Variants in EDA2R observed in about 807,000 individuals in gnomAD.
EDA2R encodes ectodysplasin A2 receptor.
In EDA2R, 26 loss-of-function variants were observed where a neutral mutation model predicts 20.1. The observed-to-expected ratio is 1.30, with a 90% CI of 0.95 to 1.80. The LOEUF (loss-of-function observed/expected upper bound fraction) is 1.80. Ranked by LOEUF, EDA2R falls within the 40% of genes most tolerant of loss-of-function variation. EDA2R has a pLI of 0.00. For missense variants in EDA2R, 277 were observed against 228.7 expected (o/e 1.21, Z -1.36); for synonymous variants, 114 against 88.7 (o/e 1.29, Z -1.60).
intron 1 of EDA2R, among the ~76,000 whole-genome samples, chrX:66,629,137 G>A (rs1488828810): frequency 9.0e-6 from 1 of 111,623 alleles, no homozygotes; most frequent in African/African-American, 3.3e-5. Flanking sequence ...ACAAAGTCTA[G>A]CATCCCTTTA....
At position 66,595,823 on chromosome X, in the gene EDA2R, GC is replaced by G. The variant is rs1467712699; in HGVS notation, c.*2280del. The G allele has an allele frequency of 9.0e-6, 1 of 111,001 alleles. No individual in the cohort carries two copies. The highest frequency in any genetic ancestry group is 3.3e-5 in the African/African-American group (1 of 30,449). 9.1% of individuals were successfully genotyped at this position (111,001 alleles called of 1,213,427 possible). On this transcript the variant is annotated 3_prime_UTR_variant, in exon 7 of 7. Transcript: ENST00000374719. The stretch of plus-strand genomic sequence containing the variant: ...TTCAATGTAAAACACTGAAGACCTA[GC>G]TAGTAGGGTGGGGTTGGTAGAGAGG...
In EDA2R at chrX:66,602,673, G is replaced by T. The variant is rs776421145; in HGVS notation, c.477C>A (p.Phe159Leu). ...TGTTGAAGAACTGCTTGCAGTAGAG[G>T]AAGAAGAGCCCCAGGAAGGCCAGGG... The part of the protein sequence containing the change: ...VFTLAFLGLF[F>L]LYCKQFFNRH... Residue 159 changes from phenylalanine (F) to leucine (L), a missense_variant, in exon 5 of 7, where the codon TTC (phenylalanine) becomes TTA (leucine). Transcript: ENST00000374719. 8.3e-7 allele frequency: 1 copy of T among 1,201,975 alleles called. No individual in the cohort carries two copies. Among genetic ancestry groups the T allele is most frequent in the Non-Finnish European group, 1.1e-6 (1 of 890,382 alleles).
At chrX:66,623,260 A>G (rs771838616) in intron 1 of EDA2R, among the ~76,000 whole-genome samples, 1 of 112,444 alleles carries the variant, frequency 8.9e-6, no homozygotes, top group East Asian at 2.8e-4. Context: ...AGTCAGAAAA[A>G]AAGGTTTTTC....
intron 1 of EDA2R, among the ~76,000 whole-genome samples, chrX:66,630,591 G>T: frequency 9.0e-6 from 1 of 111,214 alleles, no homozygotes. Context: ...ATGAAAAAAT[G>T]CTCAACATCT....
chrX:66,615,064 A>T (rs987069587), intron 2 of EDA2R, among the ~76,000 whole-genome samples: 8 of 111,580 alleles, frequency 7.2e-5, no homozygotes, highest in Middle Eastern at 4.6e-3. Context: ...AGTCACCCTA[A>T]TTTGATTCTT....
At chrX:66,608,888 G>T (rs752776273) in intron 2 of EDA2R, among the ~76,000 whole-genome samples, 16 of 111,777 alleles carry the variant, frequency 1.4e-4, no homozygotes, top group Non-Finnish European at 2.4e-4. Context: ...GGCATACAGA[G>T]ACTGTATTTG....
At position 66,599,458 on chromosome X, in the gene EDA2R, C is replaced by T; in HGVS notation, c.*10+16G>A. On this transcript the variant is annotated intron_variant, in intron 6 of 6. Coordinates refer to ENST00000374719, the MANE Select transcript of EDA2R (RefSeq NM_021783.5). ...TTGCTTTTTTTGTTTTTTTCTGATCCACCTTTCCAGCTCACCTCATTAGAG... is the reference window on the plus strand; with the variant it reads ...TTGCTTTTTTTGTTTTTTTCTGATCTACCTTTCCAGCTCACCTCATTAGAG... 9.0e-7 allele frequency: 1 copy of T among 1,108,888 alleles called. No homozygotes were observed. Among genetic ancestry groups the T allele is most frequent in the Non-Finnish European group, 1.2e-6 (1 of 845,003 alleles). 91.4% of individuals were successfully genotyped at this position (1,108,888 alleles called of 1,213,427 possible).
intron 1 of EDA2R, among the ~76,000 whole-genome samples, chrX:66,626,237 T>C (rs1313506692): frequency 1.8e-5 from 2 of 111,282 alleles, no homozygotes; most frequent in African/African-American, 6.5e-5. Flanking sequence ...CAGAGAAAGG[T>C]GAAGCCCAAT....
chrX:66,622,370 C>T (rs138414160), intron 1 of EDA2R, among the ~76,000 whole-genome samples: 1 of 111,903 alleles, frequency 8.9e-6, no homozygotes, highest in South Asian at 3.7e-4. Flanking sequence ...GGGGGTGCAG[C>T]TGCTCCTTGC....
At chrX:66,615,908 T>G (rs1931597057) in intron 2 of EDA2R, 26 bp downstream of exon 2, 1 of 1,165,775 alleles carries the variant, frequency 8.6e-7, no homozygotes, top group Admixed American at 2.2e-5. Flanking sequence ...GCAACAGAAA[T>G]AAGTGTACTG....
chrX:66,630,428 G>T (rs969019226), intron 1 of EDA2R, among the ~76,000 whole-genome samples: 2 of 111,189 alleles, frequency 1.8e-5, no homozygotes, highest in African/African-American at 6.5e-5. Context: ...GAGAAAATCT[G>T]CACAATATAT....
At position 66,636,966 on chromosome X, in the gene EDA2R, A is replaced by C. The variant is rs757354094; in HGVS notation, c.-11+2029T>G. 7.2e-4 allele frequency among the ~76,000 whole-genome samples: 78 copies of C among 108,335 alleles called. 1 individual carries two copies. The highest frequency in any genetic ancestry group is 9.8e-4 in the Non-Finnish European group (51 of 51,958). The allele number at this position is 108,335 out of a possible 115,157, so 94.1% of individuals were successfully genotyped here. A position where few individuals can be genotyped will look rare whatever the true frequency, so the allele number is the denominator to read the frequency against. On this transcript the variant is annotated intron_variant, in intron 1 of 6. Transcript: ENST00000374719. ...CACACACACACACACACACACACAC[A>C]CCCCACATACTTCTAAATGTCTTGT...
At position 66,605,083 on chromosome X, in the gene EDA2R, A is replaced by C; in HGVS notation, c.231T>G (p.Ala77=). Residue 77 remains alanine, a synonymous_variant, in exon 3 of 7, where the codon GCT becomes GCG. Transcript: ENST00000374719. ...AGTCCCCACAGACAGCATTAGAGGT[A>C]GCTGTGCAGTTGACCTTCTGAACAC... The part of the protein sequence containing the change: ...INRVQKVNCT[A]TSNAVCGDCL... 1 of 1,208,688 alleles carries C rather than the reference A, an allele frequency of 8.3e-7. No individual in the cohort carries two copies. The highest frequency in any genetic ancestry group is 3.0e-5 in the East Asian group (1 of 33,693).
At position 66,638,992 on chromosome X, in the gene EDA2R, C is replaced by T. The variant is rs760654986; in HGVS notation, c.-11+3G>A. 1 of 110,776 alleles carries T rather than the reference C, an allele frequency of 9.0e-6. No homozygotes were observed. Among genetic ancestry groups the T allele is most frequent in the African/African-American group, 3.3e-5 (1 of 30,426 alleles). The allele number at this position is 110,776 out of a possible 1,213,427, so 9.1% of individuals were successfully genotyped here. ...CCACACCAGGGGGTGTTCCCACACT[C>T]ACCCGGTAACGGACGAGTAGATGGC... On this transcript the variant is annotated splice_donor_region_variant and intron_variant, in intron 1 of 6. Coordinates refer to ENST00000374719, the MANE Select transcript of EDA2R (RefSeq NM_021783.5).
At chrX:66,621,633 T>C (rs934449229) in intron 1 of EDA2R, among the ~76,000 whole-genome samples, 1 of 112,190 alleles carries the variant, frequency 8.9e-6, no homozygotes, top group African/African-American at 3.2e-5. Flanking sequence ...TTATGCTAAA[T>C]AAAAGAAGCT....
chrX:66,616,521 A>G (rs1020829984), intron 1 of EDA2R, among the ~76,000 whole-genome samples: 1 of 112,517 alleles, frequency 8.9e-6, no homozygotes, highest in Non-Finnish European at 1.9e-5. Context: ...AGCATTATAG[A>G]GATTGTCATC....
intron 2 of EDA2R, among the ~76,000 whole-genome samples, chrX:66,613,928 C>A (rs1931231230): frequency 1.8e-5 from 2 of 111,476 alleles, no homozygotes; most frequent in Admixed American, 9.6e-5. Flanking sequence ...TGCCCCTCTT[C>A]TTCCTTACTA....
At chrX:66,632,019 T>A (rs1363914551) in intron 1 of EDA2R, among the ~76,000 whole-genome samples, 1 of 111,185 alleles carries the variant, frequency 9.0e-6, no homozygotes, top group Non-Finnish European at 1.9e-5. Flanking sequence ...CACATCAGAA[T>A]CATATGGAGC....
At position 66,597,849 on chromosome X, in the gene EDA2R, A is replaced by G. The variant is rs1455008804; in HGVS notation, c.*255T>C. ...TCTCTATAATCAAGTTGAGCTAGGA[A>G]CATGTCTGGTAGTCCCATGAATGTG... On this transcript the variant is annotated 3_prime_UTR_variant, in exon 7 of 7. Transcript: ENST00000374719. 4 of 195,865 alleles carry G rather than the reference A, an allele frequency of 2.0e-5. No individual in the cohort carries two copies. Among genetic ancestry groups the G allele is most frequent in the Admixed American group, 6.4e-5 (1 of 15,614 alleles). The allele number at this position is 195,865 out of a possible 1,213,427, so 16.1% of individuals were successfully genotyped here. A position where few individuals can be genotyped will look rare whatever the true frequency, so the allele number is the denominator to read the frequency against.
Sources: gnomAD v4.1 joint callset for allele counts (sites outside exome capture counted in the v4.1 genomes callset) on GRCh38, gnomAD v4.1.1 for gene constraint, MANE v1.5 for transcripts, NCBI Gene and HGNC (gene_info 2026-07-23, HGNC 2026-07-21) for gene names.